TRAF5: variants seen among roughly 807,000 people sequenced by gnomAD.
The protein encoded by TRAF5 is TNF receptor-associated factor 5.
In TRAF5, 48 loss-of-function variants were observed where a neutral mutation model predicts 64.5. The observed-to-expected ratio is 0.74, with a 90% CI of 0.59 to 0.95. The LOEUF is 0.95. Ranked by LOEUF, TRAF5 falls within the 40% of genes least tolerant of loss-of-function variation. The probability of loss-of-function intolerance (pLI) is 0.00; values close to 1 mark genes in which losing one functional copy is unlikely to be tolerated. For missense variants in TRAF5, 545 were observed against 662.8 expected, an observed-to-expected ratio of 0.82 and a Z score of 1.95; for synonymous variants, 206 against 240.5, an observed-to-expected ratio of 0.86 and a Z score of 1.33.
intron 1 of TRAF5, among the ~76,000 whole-genome samples, chr1:211,351,657 T>G (rs1702790614): frequency 6.6e-6 from 1 of 152,134 alleles, no homozygotes; most frequent in Admixed American, 6.5e-5. Context: ...GTGTCAGGTC[T>G]GTGTCTAGCT....
intron 7 of TRAF5, among the ~76,000 whole-genome samples, chr1:211,362,512 T>G (rs1158309822): frequency 6.6e-6 from 1 of 152,102 alleles, no homozygotes; most frequent in Non-Finnish European, 1.5e-5. Context: ...AAACCCCGCC[T>G]CTACTAAAAA....
At chr1:211,327,359 T>C (rs1489491743) in intron 1 of TRAF5, among the ~76,000 whole-genome samples, 2 of 152,292 alleles carry the variant, frequency 1.3e-5, no homozygotes, top group Admixed American at 6.5e-5. Flanking sequence ...TTGCAGGGCT[T>C]TCCAATCAAA....
At position 211,374,282 on chromosome 1, in the gene TRAF5, C is replaced by T. The variant is rs1283295225; in HGVS notation, c.*1580C>T. ...CCTTCTGCGTTGTTATGCCACTTCC[C>T]TACTGCTCATATGCACGCTGGCTCC... On this transcript the variant is annotated 3_prime_UTR_variant, in exon 11 of 11. Transcript: ENST00000261464. The T allele has an allele frequency of 6.5e-6, 1 of 152,884 alleles. No individual in the cohort carries two copies. The highest frequency in any genetic ancestry group is 1.5e-5 in the Non-Finnish European group (1 of 68,064). The allele number at this position is 152,884 out of a possible 1,614,324, so 9.5% of individuals were successfully genotyped here.
chr1:211,329,207 G>A (rs1281065331), intron 1 of TRAF5, among the ~76,000 whole-genome samples: 1 of 152,218 alleles, frequency 6.6e-6, no homozygotes, highest in African/African-American at 2.4e-5. Context: ...GTTTTCATGT[G>A]TGTCTTGGAA....
At chr1:211,345,343 A>G (rs1572064523) in intron 1 of TRAF5, among the ~76,000 whole-genome samples, 1 of 151,482 alleles carries the variant, frequency 6.6e-6, no homozygotes, top group African/African-American at 2.4e-5. Flanking sequence ...GGCTTGAGCC[A>G]CTGTGCCAGC....
Position 211,344,676 on chromosome 1 carries a change from CTG to C in TRAF5, c.-1-8560_-1-8559del, listed in dbSNP as rs962294448. Among the ~76,000 whole-genome samples, 41 of 152,362 alleles carry C rather than the reference CTG, an allele frequency of 2.7e-4. 1 individual carries two copies. The highest frequency in any genetic ancestry group is 9.9e-4 in the African/African-American group (41 of 41,590). ...ATCACAGACAGAAGCTTTGGAAAAA[CTG>C]TGAGACCATTTCAGTTCTCCTTTGT... On this transcript the variant is annotated intron_variant, in intron 1 of 10. Transcript: ENST00000261464.
intron 1 of TRAF5, 145 bp downstream of exon 1, chr1:211,327,034 G>C (rs2102701852): frequency 1.4e-6 from 1 of 720,320 alleles, no homozygotes; most frequent in East Asian, 1.3e-4. Context: ...CCGGCGGGGA[G>C]GGCGCGAGGC....
intron 1 of TRAF5, among the ~76,000 whole-genome samples, chr1:211,338,102 C>T (rs1484822959): frequency 2.6e-5 from 4 of 152,152 alleles, no homozygotes; most frequent in Admixed American, 1.3e-4. Context: ...GAAGCTGCCA[C>T]GATGATCTGA....
At chr1:211,354,560 G>T (rs1360906979) in intron 3 of TRAF5, 93 bp downstream of exon 3, 17 of 1,287,650 alleles carry the variant, frequency 1.3e-5, no homozygotes, top group Non-Finnish European at 1.9e-5. Flanking sequence ...GAGAGTGGTC[G>T]AGGGAGACCT....
At chr1:211,365,154 C>T (rs1703309354) in intron 7 of TRAF5, among the ~76,000 whole-genome samples, 1 of 151,576 alleles carries the variant, frequency 6.6e-6, no homozygotes, top group Admixed American at 6.6e-5. Flanking sequence ...GCCTGGGCAA[C>T]AGAGCAGGCT....
intron 1 of TRAF5, among the ~76,000 whole-genome samples, chr1:211,330,418 C>T (rs1702127232): frequency 1.3e-5 from 2 of 151,072 alleles, no homozygotes; most frequent in African/African-American, 4.9e-5. Flanking sequence ...CAGAACAAGG[C>T]GAGAGTACCT....
chr1:211,364,688 AAAACAAAC>A (rs10677348), intron 7 of TRAF5, among the ~76,000 whole-genome samples: 1 of 150,898 alleles, frequency 6.6e-6, no homozygotes, highest in Admixed American at 6.6e-5. Context: ...TCCATCTCAA[AAAACAAAC>A]AAACAAACAA....
chr1:211,348,393 T>C (rs1702679476), intron 1 of TRAF5, among the ~76,000 whole-genome samples: 1 of 152,172 alleles, frequency 6.6e-6, no homozygotes, highest in Non-Finnish European at 1.5e-5. Context: ...ATAGATATAA[T>C]TTGCGTAAAC....
chr1:211,353,510 G>T, intron 2 of TRAF5, 53 bp downstream of exon 2: 1 of 1,539,506 alleles, frequency 6.5e-7, no homozygotes. Flanking sequence ...CATCCAGGTG[G>T]CAACTGTGGC....
At position 211,372,305 on chromosome 1, in the gene TRAF5, T is replaced by C. The variant is rs1703561930; in HGVS notation, c.1277T>C (p.Val426Ala). 3 of 1,613,990 alleles carry C rather than the reference T, an allele frequency of 1.9e-6. No homozygotes were observed. The highest frequency in any genetic ancestry group is 1.3e-5 in the African/African-American group (1 of 74,882). The change falls in exon 11 of 11, where the codon GTG (valine) becomes GCG (alanine). Residue 426 changes from valine to alanine, a missense_variant. Val to Ala is a moderately conservative substitution (Grantham distance 64, BLOSUM62 0). Coordinates refer to ENST00000261464, the MANE Select transcript of TRAF5 (RefSeq NM_001033910.3). ...KKREAVDGHT[V>A]SIFSQSFYTS... ...AGAGAGGCGGTGGATGGGCACACAGTGTCCATCTTCAGCCAGTCCTTCTAC... is the reference window on the plus strand; with the variant it reads ...AGAGAGGCGGTGGATGGGCACACAGCGTCCATCTTCAGCCAGTCCTTCTAC...
At chr1:211,340,989 G>A (rs1005018959) in intron 1 of TRAF5, among the ~76,000 whole-genome samples, 10 of 152,192 alleles carry the variant, frequency 6.6e-5, no homozygotes, top group African/African-American at 2.4e-4. Flanking sequence ...GAGCCACCGC[G>A]CCTGGCCTCT....
intron 1 of TRAF5, among the ~76,000 whole-genome samples, chr1:211,342,890 A>C (rs1201948728): frequency 6.6e-6 from 1 of 152,182 alleles, no homozygotes; most frequent in Non-Finnish European, 1.5e-5. Flanking sequence ...GTATCCATTC[A>C]TCTGTTGATA....
chr1:211,345,774 T>C (rs902931565), intron 1 of TRAF5, among the ~76,000 whole-genome samples: 1 of 152,186 alleles, frequency 6.6e-6, no homozygotes, highest in African/African-American at 2.4e-5. Flanking sequence ...CTGGTGTCAT[T>C]AGAGCCATGG....
intron 5 of TRAF5, 32 bp downstream of exon 5, chr1:211,360,108 A>G (rs1254623489): frequency 1.2e-6 from 2 of 1,601,828 alleles, no homozygotes; most frequent in Non-Finnish European, 1.7e-6. Flanking sequence ...AGTCATCTTT[A>G]TGGAGCTAAA....
Sources: allele counts gnomAD v4.1 joint callset (sites outside exome capture counted in the v4.1 genomes callset), GRCh38; gene constraint gnomAD v4.1.1; transcripts MANE v1.5; gene names NCBI Gene and HGNC (gene_info 2026-07-23, HGNC 2026-07-21).